Variants in NIPBL observed in about 807,000 individuals in gnomAD.
NIPBL encodes NIPBL cohesin loading factor.
A neutral mutation model predicts 321.8 loss-of-function variants in NIPBL; 19 were observed. That is an observed-to-expected ratio of 0.06 (90% CI 0.04 to 0.09). The LOEUF (loss-of-function observed/expected upper bound fraction) is 0.09, where lower values mean the gene tolerates loss of function less well. Ranked by LOEUF, NIPBL falls within the 10% of genes least tolerant of loss-of-function variation. The pLI is 1.00. For synonymous variants in NIPBL, 1,106 were observed against 1,114.1 expected, an observed-to-expected ratio of 0.99 and a Z score of 0.14; for missense variants, 2,210 against 3,327.0, an observed-to-expected ratio of 0.66 and a Z score of 8.26.
At chr5:36,907,976 A>G (rs562561867) in intron 1 of NIPBL, among the ~76,000 whole-genome samples, 18 of 152,350 alleles carry the variant, frequency 1.2e-4, no homozygotes, top group East Asian at 1.9e-4. Flanking sequence ...GCAGGTATCT[A>G]TCTTTTCCAA....
intron 8 of NIPBL, among the ~76,000 whole-genome samples, chr5:36,975,272 C>CT (rs1299812686): frequency 6.6e-6 from 1 of 152,060 alleles, no homozygotes. Context: ...TGACCACTTG[C>CT]TTTTTGTTAT....
At chr5:36,936,824 ATTATATT>A (rs1327845105) in intron 1 of NIPBL, among the ~76,000 whole-genome samples, 2 of 151,914 alleles carry the variant, frequency 1.3e-5, no homozygotes, top group African/African-American at 2.4e-5. Flanking sequence ...AACTCATTGG[ATTATATT>A]GAAGATTAAA....
intron 10 of NIPBL, among the ~76,000 whole-genome samples, chr5:36,989,053 A>T (rs1561123152): frequency 6.6e-6 from 1 of 152,176 alleles, no homozygotes; most frequent in African/African-American, 2.4e-5. Flanking sequence ...TATTGAATGG[A>T]GATGATGTTG....
rs1554015229 is a variant in NIPBL at position 36,976,180 on chromosome 5, C to G, written c.1273C>G (p.Gln425Glu). Residue 425 changes from glutamine (Q) to glutamate (E), a missense_variant, in exon 9 of 47, where the codon CAA becomes GAA. Gln to Glu is a conservative substitution (Grantham distance 29). Transcript: ENST00000282516. Reference sequence around the variant, plus strand: ...TGCTCAATGTTTGTCGCAGCAAGAACAAACAGCATTCCTTCCAGCAAATCA... The same window carrying G: ...TGCTCAATGTTTGTCGCAGCAAGAAGAAACAGCATTCCTTCCAGCAAATCA... The part of the protein sequence containing the change: ...NAAQCLSQQE[Q>E]TAFLPANQVP... 1.9e-6 allele frequency: 3 copies of G among 1,612,696 alleles called. No homozygotes were observed. Among genetic ancestry groups the G allele is most frequent in the African/African-American group, 2.7e-5 (2 of 74,964 alleles).
intron 1 of NIPBL, among the ~76,000 whole-genome samples, chr5:36,911,145 A>C (rs866466623): frequency 6.6e-6 from 1 of 152,208 alleles, no homozygotes; most frequent in African/African-American, 2.4e-5. Flanking sequence ...CCTTGATAGC[A>C]ATTTCTCATA....
At chr5:36,974,859 A>T (rs577677962) in intron 8 of NIPBL, among the ~76,000 whole-genome samples, 1 of 152,084 alleles carries the variant, frequency 6.6e-6, no homozygotes, top group African/African-American at 2.4e-5. Context: ...ACAATTTCTT[A>T]CAAGTTTTTA....
At chr5:36,888,513 T>C (rs549700691) in intron 1 of NIPBL, among the ~76,000 whole-genome samples, 16 of 152,264 alleles carry the variant, frequency 1.1e-4, no homozygotes, top group African/African-American at 3.8e-4. Context: ...GAATTGACTT[T>C]CCTATACTGT....
At chr5:37,019,546 C>T (rs1749388002) in intron 25 of NIPBL, 146 bp downstream of exon 25, 2 of 676,130 alleles carry the variant, frequency 3.0e-6, no homozygotes, top group East Asian at 5.6e-5. Flanking sequence ...ATAATCTAAA[C>T]AGAAAAGAAT....
intron 1 of NIPBL, among the ~76,000 whole-genome samples, chr5:36,949,481 C>T (rs1205149854): frequency 1.3e-5 from 2 of 151,682 alleles, no homozygotes; most frequent in East Asian, 3.8e-4. Context: ...ATATTAGCAC[C>T]TCAGGTTCAT....
At chr5:36,922,131 G>T (rs1748995269) in intron 1 of NIPBL, among the ~76,000 whole-genome samples, 1 of 151,972 alleles carries the variant, frequency 6.6e-6, no homozygotes, top group Admixed American at 6.6e-5. Flanking sequence ...CAGGCGATCT[G>T]CCCGCCTCAG....
intron 1 of NIPBL, among the ~76,000 whole-genome samples, chr5:36,891,199 A>G (rs911965013): frequency 2.0e-5 from 3 of 152,186 alleles, no homozygotes; most frequent in Non-Finnish European, 4.4e-5. Context: ...CGGGAGGCAG[A>G]GCTTGCAGTG....
At chr5:37,013,071 G>A (rs549761586) in intron 21 of NIPBL, among the ~76,000 whole-genome samples, 336 of 150,358 alleles carry the variant, frequency 2.2e-3, no homozygotes, top group Non-Finnish European at 3.4e-3. Context: ...TCCTGGACGG[G>A]GCAGCTGGCC....
At chr5:36,963,398 A>G (rs986940501) in intron 6 of NIPBL, among the ~76,000 whole-genome samples, 7 of 152,172 alleles carry the variant, frequency 4.6e-5, no homozygotes, top group Non-Finnish European at 7.4e-5. Flanking sequence ...TAACTTTGTC[A>G]TCCATCAAAA....
intron 5 of NIPBL, among the ~76,000 whole-genome samples, 199 bp downstream of exon 5, chr5:36,961,782 T>C (rs1160793806): frequency 6.6e-6 from 1 of 152,228 alleles, no homozygotes; most frequent in Non-Finnish European, 1.5e-5. Flanking sequence ...GTAGCTACCA[T>C]CTTAGTAATG....
At chr5:36,885,177 C>T in intron 1 of NIPBL, 1 of 515,950 alleles carries the variant, frequency 1.9e-6, no homozygotes, top group Non-Finnish European at 3.9e-6. Flanking sequence ...AGCCTGAGTC[C>T]TGTCCTCTCG....
chr5:37,030,488 A>G (rs1463996905), intron 32 of NIPBL, among the ~76,000 whole-genome samples: 1 of 152,212 alleles, frequency 6.6e-6, no homozygotes, highest in African/African-American at 2.4e-5. Context: ...TGGAGTTATT[A>G]CAAATTCTTG....
At chr5:36,924,864 T>A (rs1278766829) in intron 1 of NIPBL, among the ~76,000 whole-genome samples, 1 of 152,212 alleles carries the variant, frequency 6.6e-6, no homozygotes, top group Non-Finnish European at 1.5e-5. Flanking sequence ...CTATAATAAT[T>A]CCTGGGGGCC....
At chr5:37,032,255 T>C (rs1249596554) in intron 32 of NIPBL, among the ~76,000 whole-genome samples, 2 of 152,184 alleles carry the variant, frequency 1.3e-5, no homozygotes, top group East Asian at 3.8e-4. Context: ...TAAAAATTTG[T>C]GCATTTTATT....
Position 37,057,273 on chromosome 5 carries a change from C to T in NIPBL, c.7351C>T (p.His2451Tyr), listed in dbSNP as rs754691205. 1.2e-6 allele frequency: 2 copies of T among 1,613,242 alleles called. No homozygotes were observed. The highest frequency in any genetic ancestry group is 1.7e-6 in the Non-Finnish European group (2 of 1,179,232). The change falls in exon 43 of 47, where the codon CAT becomes TAT. Residue 2451 changes from histidine (H) to tyrosine (Y), a missense_variant. Transcript: ENST00000282516. ...ACAGGAAGAGCCGTTGTTTATAATG[C>T]ATCATATAGACATTACACTCTCAGT... Reference protein sequence around the residue: ...QTQEEPLFIMHHIDITLSVSG... With the variant: ...QTQEEPLFIMYHIDITLSVSG...
Sources: allele counts gnomAD v4.1 joint callset (sites outside exome capture counted in the v4.1 genomes callset), GRCh38; gene constraint gnomAD v4.1.1; transcripts MANE v1.5; gene names NCBI Gene and HGNC (gene_info 2026-07-23, HGNC 2026-07-21).